The following VWA8 variants were observed in gnomAD, a reference collection of about 807,000 sequenced individuals.
VWA8 encodes von Willebrand factor A domain containing 8, also known as von Willebrand factor A domain-containing protein 8.
In VWA8, 221 loss-of-function variants were observed where a neutral mutation model predicts 241.5. The ratio of observed to expected loss-of-function variants is 0.91; its 90% CI spans 0.82 to 1.02. The LOEUF (loss-of-function observed/expected upper bound fraction) is 1.02, where lower values mean the gene tolerates loss of function less well. Ranked by LOEUF, VWA8 falls within the 50% of genes least tolerant of loss-of-function variation. The pLI is 0.00. For missense variants in VWA8, 2,322 were observed against 2,328.7 expected, an observed-to-expected ratio of 1.00 and a Z score of 0.06; for synonymous variants, 852 against 827.1, an observed-to-expected ratio of 1.03 and a Z score of -0.52.
intron 37 of VWA8, among the ~76,000 whole-genome samples, chr13:41,666,795 G>T (rs1194367199): frequency 6.6e-6 from 1 of 152,140 alleles, no homozygotes; most frequent in Non-Finnish European, 1.5e-5. Flanking sequence ...ATGCCCAAGT[G>T]TTACCATATA....
At chr13:41,826,753 A>G (rs1001965439) in intron 14 of VWA8, among the ~76,000 whole-genome samples, 5 of 152,264 alleles carry the variant, frequency 3.3e-5, no homozygotes, top group African/African-American at 1.2e-4. Flanking sequence ...GCGCAACTGT[A>G]GTCTCAGCTA....
chr13:41,758,370 A>ACC (rs2045709899), intron 21 of VWA8, among the ~76,000 whole-genome samples: 2 of 4,026 alleles, frequency 5.0e-4, no homozygotes, highest in Non-Finnish European at 2.7e-3. Context: ...AGATACTAGC[A>ACC]TATATATATA....
At chr13:41,719,936 C>G (rs2045372439) in intron 25 of VWA8, among the ~76,000 whole-genome samples, 194 bp from the exon 26 acceptor site, 1 of 152,006 alleles carries the variant, frequency 6.6e-6, no homozygotes, top group Non-Finnish European at 1.5e-5. Flanking sequence ...ACAATATTTT[C>G]CTTTTTAAAT....
chr13:41,936,534 G>A (rs1409103993), intron 2 of VWA8, among the ~76,000 whole-genome samples: 1 of 152,070 alleles, frequency 6.6e-6, no homozygotes, highest in Non-Finnish European at 1.5e-5. Flanking sequence ...CTTTAATGGT[G>A]ACTAAATTGC....
chr13:41,838,036 T>C (rs11838680), intron 12 of VWA8, among the ~76,000 whole-genome samples: 22,029 of 152,132 alleles, frequency 0.14, 1,683 homozygotes, highest in East Asian at 0.18. Context: ...TCCATGTCAA[T>C]TGGAATTATG....
At chr13:41,725,491 G>C (rs1280244599) in intron 24 of VWA8, among the ~76,000 whole-genome samples, 1 of 152,174 alleles carries the variant, frequency 6.6e-6, no homozygotes, top group Non-Finnish European at 1.5e-5. Context: ...AATATCCAAG[G>C]AGCCAAGAGG....
At chr13:41,936,002 A>G (rs1228015416) in intron 2 of VWA8, among the ~76,000 whole-genome samples, 1 of 152,124 alleles carries the variant, frequency 6.6e-6, no homozygotes, top group Non-Finnish European at 1.5e-5. Context: ...ATGCTGTAAT[A>G]CATAATATGT....
chr13:41,723,980 A>G (rs1387932416), intron 24 of VWA8, among the ~76,000 whole-genome samples: 5 of 152,238 alleles, frequency 3.3e-5, no homozygotes, highest in African/African-American at 1.2e-4. Flanking sequence ...AAGGCTGAGC[A>G]GGAATAGTTA....
intron 17 of VWA8, among the ~76,000 whole-genome samples, chr13:41,798,753 C>T (rs1220010644): frequency 2.6e-5 from 4 of 152,138 alleles, no homozygotes; most frequent in Non-Finnish European, 5.9e-5. Flanking sequence ...ATTCTCTCCT[C>T]TTAAATTCCT....
Position 41,886,780 on chromosome 13 carries a change from C to T in VWA8, c.866+1G>A. 6.3e-7 allele frequency: 1 copy of T among 1,593,886 alleles called. No homozygotes were observed. The highest frequency in any genetic ancestry group is 8.5e-7 in the Non-Finnish European group (1 of 1,172,958). ...CCAGACATTTATAAAAATATACTTA[C>T]TTCTCAGCAGAAACATTGGCTCCAA... On this transcript the variant is annotated splice_donor_variant, in intron 7 of 44. Coordinates refer to ENST00000379310, the MANE Select transcript of VWA8 (RefSeq NM_015058.2). LOFTEE classifies it high-confidence loss of function.
intron 42 of VWA8, among the ~76,000 whole-genome samples, chr13:41,576,559 A>T (rs968710861): frequency 6.6e-6 from 1 of 152,248 alleles, no homozygotes; most frequent in African/African-American, 2.4e-5. Flanking sequence ...AGGGTTTCCT[A>T]GGGAAGATGA....
At chr13:41,808,456 G>C (rs1203701707) in intron 17 of VWA8, among the ~76,000 whole-genome samples, 2 of 152,154 alleles carry the variant, frequency 1.3e-5, no homozygotes, top group Non-Finnish European at 2.9e-5. Flanking sequence ...GCAGGAGAAA[G>C]AGAGAGAGGC....
chr13:41,633,027 C>A (rs1047513743), intron 37 of VWA8, among the ~76,000 whole-genome samples: 7 of 152,194 alleles, frequency 4.6e-5, no homozygotes, highest in Non-Finnish European at 7.3e-5. Flanking sequence ...TGTGAGGGAA[C>A]CTTCCAGGTT....
intron 20 of VWA8, among the ~76,000 whole-genome samples, chr13:41,763,308 A>ATAG (rs2045754836): frequency 3.8e-4 from 55 of 145,772 alleles, no homozygotes; most frequent in African/African-American, 1.2e-3. Flanking sequence ...TAAATAAATA[A>ATAG]ATAGATAGAT....
Position 41,570,505 on chromosome 13 carries a change from C to T in VWA8, c.5572G>A (p.Ala1858Thr). 1 of 1,614,152 alleles carries T rather than the reference C, an allele frequency of 6.2e-7. No homozygotes were observed. Among genetic ancestry groups the T allele is most frequent in the Non-Finnish European group, 8.5e-7 (1 of 1,180,022 alleles). The change falls in exon 44 of 45, where the codon GCC (alanine) becomes ACC (threonine). Residue 1858 changes from alanine to threonine, a missense_variant. Physicochemically the swap from Ala to Thr is moderately conservative, Grantham distance 58. Coordinates refer to ENST00000379310, the MANE Select transcript of VWA8 (RefSeq NM_015058.2). ...TCACCTAAAGAGCCAATAAAAATGG[C>T]AAAAGCATTTACTTGAGGGTCTCTT... ...LTRDPQVNAF[A>T]IFIGSLGDQA...
At chr13:41,806,258 T>A (rs1870204527) in intron 17 of VWA8, among the ~76,000 whole-genome samples, 1 of 152,016 alleles carries the variant, frequency 6.6e-6, no homozygotes, top group South Asian at 2.1e-4. Context: ...TCTATAGCCA[T>A]AAAAGCCTAC....
At chr13:41,572,797 TAAAAAAAA>T (rs869088660) in intron 43 of VWA8, among the ~76,000 whole-genome samples, 12 of 67,790 alleles carry the variant, frequency 1.8e-4, no homozygotes, top group East Asian at 1.4e-3. Context: ...CAATAAATAC[TAAAAAAAA>T]AAAAAAAAAA....
At chr13:41,771,952 G>A (rs1463673857) in intron 20 of VWA8, among the ~76,000 whole-genome samples, 2 of 141,908 alleles carry the variant, frequency 1.4e-5, no homozygotes, top group African/African-American at 2.7e-5. Context: ...GTGCAATGGC[G>A]CAATCTCAGC....
intron 2 of VWA8, among the ~76,000 whole-genome samples, chr13:41,948,815 A>T (rs1224551855): frequency 6.6e-6 from 1 of 152,172 alleles, no homozygotes; most frequent in Non-Finnish European, 1.5e-5. Flanking sequence ...AAAGCCATCC[A>T]AATGTCTATC....
Sources: gnomAD v4.1 joint callset for allele counts (sites outside exome capture counted in the v4.1 genomes callset) on GRCh38, gnomAD v4.1.1 for gene constraint, MANE v1.5 for transcripts, NCBI Gene and HGNC (gene_info 2026-07-23, HGNC 2026-07-21) for gene names.